XPR1: variants seen among roughly 807,000 people sequenced by gnomAD.
XPR1 encodes the protein solute carrier family 53 member 1.
In XPR1, 28 loss-of-function variants were observed where a neutral mutation model predicts 87.5. That is an observed-to-expected ratio of 0.32 (90% CI 0.24 to 0.44). XPR1 has a LOEUF of 0.44. Ranked by LOEUF, XPR1 falls within the 20% of genes least tolerant of loss-of-function variation. The probability of loss-of-function intolerance (pLI) is 1.00; values close to 1 mark genes in which losing one functional copy is unlikely to be tolerated. For missense variants in XPR1, 559 were observed against 862.3 expected, an observed-to-expected ratio of 0.65 and a Z score of 4.41; for synonymous variants, 300 against 306.1, an observed-to-expected ratio of 0.98 and a Z score of 0.21.
intron 2 of XPR1, among the ~76,000 whole-genome samples, chr1:180,777,444 G>T (rs1464513392): frequency 6.6e-6 from 1 of 152,130 alleles, no homozygotes; most frequent in East Asian, 1.9e-4. Flanking sequence ...TCCTCAGATA[G>T]ACTGTAGACT....
At chr1:180,659,729 G>A (rs1211324995) in intron 1 of XPR1, among the ~76,000 whole-genome samples, 1 of 151,742 alleles carries the variant, frequency 6.6e-6, no homozygotes, top group Non-Finnish European at 1.5e-5. Flanking sequence ...ATCTTGGCCA[G>A]GTTGGTCTTG....
intron 1 of XPR1, among the ~76,000 whole-genome samples, chr1:180,662,809 C>T (rs1655823484): frequency 6.6e-6 from 1 of 152,070 alleles, no homozygotes; most frequent in South Asian, 2.1e-4. Flanking sequence ...GCATGCTTTA[C>T]TTTTTTTATT....
At chr1:180,653,332 T>C (rs1466611998) in intron 1 of XPR1, among the ~76,000 whole-genome samples, 1 of 152,150 alleles carries the variant, frequency 6.6e-6, no homozygotes, top group Non-Finnish European at 1.5e-5. Context: ...CCACCTGATA[T>C]ACAAATCTAA....
intron 11 of XPR1, among the ~76,000 whole-genome samples, chr1:180,842,651 G>T (rs1237589042): frequency 6.6e-6 from 1 of 152,106 alleles, no homozygotes; most frequent in Non-Finnish European, 1.5e-5. Context: ...GTTTTAAATG[G>T]TTTTTGTGTG....
At chr1:180,827,800 A>G (rs1437179166) in intron 9 of XPR1, among the ~76,000 whole-genome samples, 1 of 151,928 alleles carries the variant, frequency 6.6e-6, no homozygotes, top group Non-Finnish European at 1.5e-5. Context: ...GAATGTGTTC[A>G]CTCTAGTTAT....
intron 2 of XPR1, among the ~76,000 whole-genome samples, chr1:180,687,135 T>G (rs1257682288): frequency 6.6e-6 from 1 of 152,150 alleles, no homozygotes; most frequent in Admixed American, 6.5e-5. Context: ...AACTGATTCC[T>G]TACCCTGAGT....
chr1:180,675,689 T>C (rs1004514026), intron 1 of XPR1, among the ~76,000 whole-genome samples: 1 of 152,240 alleles, frequency 6.6e-6, no homozygotes, highest in Admixed American at 6.5e-5. Flanking sequence ...TATAAAGTGC[T>C]GGATTTCCTT....
At position 180,663,772 on chromosome 1, in the gene XPR1, C is replaced by T. The variant is rs549137895; in HGVS notation, c.70-18588C>T. ...CCCCGGGCAGGTCCAGAGATGCTCTCTGGGAGCCAGGGCTTGCATTCTGAA... is the reference window on the plus strand; with the variant it reads ...CCCCGGGCAGGTCCAGAGATGCTCTTTGGGAGCCAGGGCTTGCATTCTGAA... On this transcript the variant is annotated intron_variant, in intron 1 of 14. Transcript: ENST00000367590. 3.3e-5 allele frequency among the ~76,000 whole-genome samples: 5 copies of T among 152,322 alleles called. No individual in the cohort carries two copies. In the East Asian group the frequency reaches 9.7e-4, roughly 29 times the overall value.
chr1:180,828,373 C>T (rs1650937792), intron 9 of XPR1, among the ~76,000 whole-genome samples: 1 of 152,034 alleles, frequency 6.6e-6, no homozygotes, highest in Non-Finnish European at 1.5e-5. Flanking sequence ...TATTTACATC[C>T]ATTAGGTTAT....
At chr1:180,802,978 T>C (rs977550784) in intron 3 of XPR1, among the ~76,000 whole-genome samples, 1 of 152,258 alleles carries the variant, frequency 6.6e-6, no homozygotes, top group African/African-American at 2.4e-5. Flanking sequence ...CTGGCTATTA[T>C]AAATGCAAGT....
intron 12 of XPR1, among the ~76,000 whole-genome samples, chr1:180,865,768 G>T (rs747446571): frequency 3.3e-5 from 5 of 152,014 alleles, no homozygotes; most frequent in Non-Finnish European, 7.4e-5. Flanking sequence ...TGATTTCTAG[G>T]TAATAAAATT....
chr1:180,764,716 C>T (rs1461428684), intron 2 of XPR1, among the ~76,000 whole-genome samples: 7 of 151,802 alleles, frequency 4.6e-5, no homozygotes, highest in Non-Finnish European at 7.4e-5. Flanking sequence ...GTGATCCACC[C>T]GCCTCAGCCT....
chr1:180,782,537 A>G (rs555958419), intron 2 of XPR1, among the ~76,000 whole-genome samples: 1 of 152,050 alleles, frequency 6.6e-6, no homozygotes, highest in African/African-American at 2.4e-5. Flanking sequence ...GAGAGAGAGA[A>G]AGAGAGAGAA....
At chr1:180,790,699 C>T (rs557815238) in intron 3 of XPR1, among the ~76,000 whole-genome samples, 1 of 152,078 alleles carries the variant, frequency 6.6e-6, no homozygotes, top group African/African-American at 2.4e-5. Context: ...ACCACCATGC[C>T]CAGCTAATTT....
At chr1:180,833,472 G>T (rs372969933) in intron 9 of XPR1, among the ~76,000 whole-genome samples, 19 of 151,428 alleles carry the variant, frequency 1.3e-4, no homozygotes, top group African/African-American at 4.6e-4. Context: ...AAAATAAAGG[G>T]CTGGAAGAAG....
intron 2 of XPR1, among the ~76,000 whole-genome samples, chr1:180,774,932 A>G (rs1036063093): frequency 2.6e-5 from 4 of 152,218 alleles, no homozygotes; most frequent in African/African-American, 9.6e-5. Flanking sequence ...TCTGCTTCCA[A>G]GATGGCATCT....
intron 2 of XPR1, among the ~76,000 whole-genome samples, chr1:180,713,251 A>G (rs1448635920): frequency 6.6e-6 from 1 of 152,166 alleles, no homozygotes; most frequent in Non-Finnish European, 1.5e-5. Flanking sequence ...ATGCTCTTGC[A>G]AATGATACTG....
intron 11 of XPR1, among the ~76,000 whole-genome samples, chr1:180,852,766 A>G (rs1222787849): frequency 6.6e-6 from 1 of 152,164 alleles, no homozygotes; most frequent in Non-Finnish European, 1.5e-5. Context: ...GACTGAAGCA[A>G]TCCTCTCACT....
intron 2 of XPR1, among the ~76,000 whole-genome samples, chr1:180,731,828 A>G (rs73034866): frequency 0.012 from 1,792 of 152,314 alleles, 37 homozygotes; most frequent in African/African-American, 0.04. Flanking sequence ...TCAGGTATTC[A>G]TGTAGCTAGT....
Sources: gnomAD v4.1 joint callset for allele counts (sites outside exome capture counted in the v4.1 genomes callset) on GRCh38, gnomAD v4.1.1 for gene constraint, MANE v1.5 for transcripts, NCBI Gene and HGNC (gene_info 2026-07-23, HGNC 2026-07-21) for gene names.